The following GABRG3 variants were observed in gnomAD, a reference collection of about 807,000 sequenced individuals.
The protein encoded by GABRG3 is gamma-aminobutyric acid receptor subunit gamma-3.
In GABRG3, 25 loss-of-function variants were observed where a neutral mutation model predicts 48.8. The observed-to-expected ratio is 0.51, with a 90% CI of 0.37 to 0.72. The LOEUF (loss-of-function observed/expected upper bound fraction) is 0.72. Among genes scored for constraint, GABRG3 ranks in the 30% least tolerant of loss-of-function variants. The probability of loss-of-function intolerance (pLI) is 0.00; values close to 1 mark genes in which losing one functional copy is unlikely to be tolerated. For synonymous variants in GABRG3, 227 were observed against 217.6 expected, an observed-to-expected ratio of 1.04 and a Z score of -0.38; for missense variants, 394 against 577.9, an observed-to-expected ratio of 0.68 and a Z score of 3.26.
chr15:27,106,108 T>G (rs1178634927), intron 3 of GABRG3, among the ~76,000 whole-genome samples: 1 of 151,944 alleles, frequency 6.6e-6, no homozygotes, highest in Non-Finnish European at 1.5e-5. Context: ...AATAAAACAA[T>G]AGTTACCAGC....
At chr15:27,243,975 T>G (rs1236152766) in intron 3 of GABRG3, among the ~76,000 whole-genome samples, 1 of 152,184 alleles carries the variant, frequency 6.6e-6, no homozygotes, top group Non-Finnish European at 1.5e-5. Flanking sequence ...TTAAAATATT[T>G]ACTAAGTATA....
intron 5 of GABRG3, among the ~76,000 whole-genome samples, chr15:27,427,051 T>C (rs1031752309): frequency 1.3e-5 from 2 of 152,224 alleles, no homozygotes; most frequent in Non-Finnish European, 2.9e-5. Context: ...AATAAAATTC[T>C]ATTGTTTCAA....
At chr15:27,331,580 G>A (rs1893803742) in intron 5 of GABRG3, among the ~76,000 whole-genome samples, 1 of 152,214 alleles carries the variant, frequency 6.6e-6, no homozygotes, top group Non-Finnish European at 1.5e-5. Flanking sequence ...GTTGCCAGGG[G>A]TTGTGGGCAG....
intron 5 of GABRG3, among the ~76,000 whole-genome samples, chr15:27,426,573 G>A (rs962595015): frequency 1.8e-4 from 27 of 152,222 alleles, no homozygotes; most frequent in African/African-American, 6.3e-4. Flanking sequence ...CCAGCACTTC[G>A]GGAGTCAAGA....
intron 3 of GABRG3, 89 bp downstream of exon 3, chr15:27,026,910 T>A (rs1335713556): frequency 1.1e-6 from 1 of 889,152 alleles, no homozygotes; most frequent in African/African-American, 1.7e-5. Flanking sequence ...AGATTTATCA[T>A]GCCGGTTTAA....
In GABRG3 at chr15:27,176,657, C is replaced by T. The variant is rs1378632775; in HGVS notation, c.270+149836C>T. Among the ~76,000 whole-genome samples, 4 of 152,234 alleles carry T rather than the reference C, an allele frequency of 2.6e-5. No homozygotes were observed. The South Asian group carries it at 8.3e-4, about 32-fold the overall frequency. On this transcript the variant is annotated intron_variant, in intron 3 of 9. Coordinates refer to ENST00000615808, the MANE Select transcript of GABRG3 (RefSeq NM_033223.5). ...TGCCCAGAAGAGGTGACCAGAAGGT[C>T]CAAGTTCTAGAACTTGCATGAAGGT...
chr15:27,343,427 A>G lies in GABRG3; in HGVS notation c.574+14539A>G, dbSNP rs552606151. On this transcript the variant is annotated intron_variant, in intron 5 of 9. Transcript: ENST00000615808. ...CTGTAATTAGGAAGAAAGTCTGTCA[A>G]TGTATTTTGGTTATAAGTTGCTATT... 9.2e-5 allele frequency among the ~76,000 whole-genome samples: 14 copies of G among 152,328 alleles called. No homozygotes were observed. The East Asian group carries it at 1.7e-3, about 19-fold the overall frequency.
At chr15:27,422,319 C>T (rs1888147488) in intron 5 of GABRG3, 1 of 152,762 alleles carries the variant, frequency 6.5e-6, no homozygotes. Context: ...GCGTATCCAC[C>T]AATACTGAGT....
chr15:27,092,276 G>T (rs1897199588), intron 3 of GABRG3, among the ~76,000 whole-genome samples: 1 of 152,154 alleles, frequency 6.6e-6, no homozygotes, highest in South Asian at 2.1e-4. Flanking sequence ...TCTTTAGGGG[G>T]GATGGTCTCC....
intron 6 of GABRG3, among the ~76,000 whole-genome samples, chr15:27,512,281 G>T (rs1432439658): frequency 9.5e-6 from 1 of 104,874 alleles, no homozygotes. Context: ...TGGTGCATTA[G>T]AGTAGTAAAA....
chr15:27,235,263 G>A (rs947457597), intron 3 of GABRG3, among the ~76,000 whole-genome samples: 1 of 150,864 alleles, frequency 6.6e-6, no homozygotes, highest in African/African-American at 2.5e-5. Flanking sequence ...ACCTATCCCT[G>A]CACAGAAGAT....
At chr15:27,003,669 A>G (rs966482516) in intron 2 of GABRG3, among the ~76,000 whole-genome samples, 1 of 152,032 alleles carries the variant, frequency 6.6e-6, no homozygotes, top group Non-Finnish European at 1.5e-5. Flanking sequence ...TCTTTTCCCC[A>G]CCTTTCCCCC....
At chr15:26,993,125 T>G (rs1595459978) in intron 2 of GABRG3, among the ~76,000 whole-genome samples, 1 of 152,182 alleles carries the variant, frequency 6.6e-6, no homozygotes, top group Non-Finnish European at 1.5e-5. Flanking sequence ...GGCTAAAGGT[T>G]TGTCAATTTT....
rs574744150 is a variant in GABRG3 at position 27,249,149 on chromosome 15, C to T, written c.271-77660C>T. 2.0e-3 allele frequency among the ~76,000 whole-genome samples: 309 copies of T among 152,252 alleles called. 1 individual carries two copies. The highest frequency in any genetic ancestry group is 6.5e-3 in the African/African-American group (270 of 41,554). ...TGACTGGACTCAGGTGATGCGGCTG[C>T]GGGAGGTGGTGAGCGATGCTGGAAG... is the stretch of plus-strand genomic sequence containing the variant. On this transcript the variant is annotated intron_variant, in intron 3 of 9. Transcript: ENST00000615808.
At chr15:27,466,208 C>T (rs957854968) in intron 5 of GABRG3, among the ~76,000 whole-genome samples, 4 of 152,166 alleles carry the variant, frequency 2.6e-5, no homozygotes, top group South Asian at 2.1e-4. Flanking sequence ...GACCCAGCAG[C>T]AGACTTTACA....
chr15:27,418,901 C>T (rs990028817), intron 5 of GABRG3: 1 of 152,140 alleles, frequency 6.6e-6, no homozygotes, highest in South Asian at 2.1e-4. Context: ...TATCAAGTCT[C>T]AGGAAGTGGT....
At chr15:27,176,133 A>G (rs927900330) in intron 3 of GABRG3, among the ~76,000 whole-genome samples, 3 of 152,152 alleles carry the variant, frequency 2.0e-5, no homozygotes, top group Admixed American at 6.5e-5. Flanking sequence ...TTTAACTTTA[A>G]GAGACCACAC....
At chr15:27,281,942 C>A (rs1018428395) in intron 3 of GABRG3, among the ~76,000 whole-genome samples, 3 of 152,144 alleles carry the variant, frequency 2.0e-5, no homozygotes, top group Non-Finnish European at 2.9e-5. Flanking sequence ...ACTATTCCTT[C>A]ATTTGCAAAT....
chr15:27,225,642 T>TA (rs1394418470), intron 3 of GABRG3, among the ~76,000 whole-genome samples: 1 of 152,148 alleles, frequency 6.6e-6, no homozygotes, highest in Non-Finnish European at 1.5e-5. Context: ...CCTGCTTCCC[T>TA]ACCCACCACC....
Sources: allele counts gnomAD v4.1 joint callset (sites outside exome capture counted in the v4.1 genomes callset), GRCh38; gene constraint gnomAD v4.1.1; transcripts MANE v1.5; gene names NCBI Gene and HGNC (gene_info 2026-07-23, HGNC 2026-07-21).